ZNF629: variants seen among roughly 807,000 people sequenced by gnomAD.
ZNF629 encodes zinc finger protein 629, also known as DNA-binding protein.
ZNF629 carries 9 observed loss-of-function variants against 59.7 expected under a neutral mutation model. The observed-to-expected ratio is 0.15, with a 90% CI of 0.09 to 0.26. ZNF629 has a LOEUF of 0.26. Ranked by LOEUF, ZNF629 falls within the 10% of genes least tolerant of loss-of-function variation. The pLI, the probability that ZNF629 is intolerant of heterozygous loss-of-function variation, is 1.00. For synonymous variants in ZNF629, 509 were observed against 498.9 expected, an observed-to-expected ratio of 1.02 and a Z score of -0.27; for missense variants, 853 against 1,165.4, an observed-to-expected ratio of 0.73 and a Z score of 3.90.
In ZNF629 at chr16:30,782,393, C is replaced by T. The variant is rs2054290099; in HGVS notation, c.1935G>A (p.Glu645=). The stretch of plus-strand genomic sequence containing the variant: ...GCCTCTGGCTGAAGCCCTCCTGACC[C>T]TCCGGCGGCTTAAGGGGCTGTCCGG... ...EAPGQPLKPP[E]GQEGFSQRRG... Residue 645 remains glutamate, a synonymous_variant, in exon 3 of 3, where the codon GAG becomes GAA. Coordinates refer to ENST00000262525, the MANE Select transcript of ZNF629 (RefSeq NM_001080417.3). The T allele has an allele frequency of 1.3e-6, 2 of 1,573,590 alleles. No individual in the cohort carries two copies. Among genetic ancestry groups the T allele is most frequent in the South Asian group, 1.2e-5 (1 of 86,302 alleles).
In ZNF629 at chr16:30,786,836, C is replaced by T. The variant is rs926816883; in HGVS notation, c.-34+192G>A. On this transcript the variant is annotated intron_variant, in intron 1 of 2. Coordinates refer to ENST00000262525, the MANE Select transcript of ZNF629 (RefSeq NM_001080417.3). The surrounding 1 kb of genome is among the most constrained non-coding windows in gnomAD (Gnocchi z 4.8). ...TCCCCAGGCTCCCCTCCCCCGCCAC[C>T]GACCCCCGCGCTTCCCAGAATCCTC... is the stretch of plus-strand genomic sequence containing the variant. 3.6e-4 allele frequency among the ~76,000 whole-genome samples: 55 copies of T among 152,042 alleles called. No homozygotes were observed. The highest frequency in any genetic ancestry group is 1.3e-3 in the African/African-American group (53 of 41,510).
rs1023334897 is a variant in ZNF629, at chr16:30,784,125, T to C, written c.203A>G (p.Gln68Arg). The change falls in exon 3 of 3, where the codon CAG becomes CGG. Residue 68 changes from glutamine to arginine, a missense_variant. By Grantham distance (43) the Gln-to-Arg change is conservative (BLOSUM62 1). Coordinates refer to ENST00000262525, the MANE Select transcript of ZNF629 (RefSeq NM_001080417.3). ...GGGGTTCTGGGGGACAGAGGGGTCC[T>C]GGGAGGATCTCTCCAGGGACATCTC... ...STEMSLERSSQDPSVPQNPPT... is the reference protein window; with the variant it reads ...STEMSLERSSRDPSVPQNPPT... 7.5e-6 allele frequency: 12 copies of C among 1,609,084 alleles called. No individual in the cohort carries two copies. In the African/African-American group the frequency reaches 1.6e-4, roughly 21 times the overall value.
At position 30,782,329 on chromosome 16, in the gene ZNF629, A is replaced by C; in HGVS notation, c.1999T>G (p.Cys667Gly). Residue 667 changes from cysteine (C) to glycine (G), a missense_variant, in exon 3 of 3, where the codon TGC becomes GGC. By Grantham distance (159) the Cys-to-Gly change is radical (BLOSUM62 -3). This residue lies in a region of ZNF629 where 420 missense variants were observed against 435.6 expected (regional missense o/e 0.96). Transcript: ENST00000262525. ...LSSKTYICSHCGESFLDRSVL... is the reference protein window; with the variant it reads ...LSSKTYICSHGGESFLDRSVL... ...GAGCGATCCAGGAAGCTCTCTCCGCAGTGGGAGCAGATGTAGGTCTTGGAG... is the reference window on the plus strand; with the variant it reads ...GAGCGATCCAGGAAGCTCTCTCCGCCGTGGGAGCAGATGTAGGTCTTGGAG... 1 of 1,601,656 alleles carries C rather than the reference A, an allele frequency of 6.2e-7. No homozygotes were observed. The highest frequency in any genetic ancestry group is 8.5e-7 in the Non-Finnish European group (1 of 1,173,776).
rs1286255510 is a variant in ZNF629 at position 30,786,081 on chromosome 16, G to C, written c.-34+947C>G. 6.6e-6 allele frequency among the ~76,000 whole-genome samples: 1 copy of C among 152,108 alleles called. No homozygotes were observed. Among genetic ancestry groups the C allele is most frequent in the African/African-American group, 2.4e-5 (1 of 41,400 alleles). On this transcript the variant is annotated intron_variant, in intron 1 of 2. Transcript: ENST00000262525. This position sits in a 1 kb window ranked among gnomAD's most constrained non-coding sequence, Gnocchi z 4.8. ...TGTGCACAGGGGCAGTGGGGCAAGGGAGACATGGCAGGAGGCGCTGAGAGG... is the reference window on the plus strand; with the variant it reads ...TGTGCACAGGGGCAGTGGGGCAAGGCAGACATGGCAGGAGGCGCTGAGAGG...
At position 30,778,763 on chromosome 16, in the gene ZNF629, CT is replaced by C. The variant is rs1171234541; in HGVS notation, c.*2954del. ...TTCAAGTTTCACTCTAAGCTCTCCC[CT>C]CTGCTTTCCCCACTGACTCCCTGAC... On this transcript the variant is annotated 3_prime_UTR_variant, in exon 3 of 3. Coordinates refer to ENST00000262525, the MANE Select transcript of ZNF629 (RefSeq NM_001080417.3). 5 of 152,572 alleles carry C rather than the reference CT, an allele frequency of 3.3e-5. No individual in the cohort carries two copies. The highest frequency in any genetic ancestry group is 2.0e-4 in the Admixed American group (3 of 15,290). 9.5% of individuals were successfully genotyped at this position (152,572 alleles called of 1,614,324 possible). A position where few individuals can be genotyped will look rare whatever the true frequency, so the allele number is the denominator to read the frequency against.
chr16:30,785,859 AAAATAAAT>A (rs55733443), intron 1 of ZNF629, among the ~76,000 whole-genome samples: 315 of 140,164 alleles, frequency 2.2e-3, no homozygotes, highest in Middle Eastern at 3.5e-3. Context: ...GCCCCCTGGT[AAAATAAAT>A]AAATAAATAA....
rs569332998 is a variant in ZNF629, at chr16:30,783,062, G to A, written c.1266C>T (p.Arg422=). ...SVSSNLINHQ[R]IHRGERPYIC... ...TGTAGGGCCGCTCGCCGCGGTGGAT[G>A]CGCTGGTGGTTGATGAGGTTGGAGC... The change falls in exon 3 of 3, where the codon CGC becomes CGT. Residue 422 remains arginine, a synonymous_variant. Transcript: ENST00000262525. 8.1e-6 allele frequency: 13 copies of A among 1,614,046 alleles called. No individual in the cohort carries two copies. Among genetic ancestry groups the A allele is most frequent in the Non-Finnish European group, 1.0e-5 (12 of 1,179,998 alleles).
At position 30,781,538 on chromosome 16, in the gene ZNF629, A is replaced by C; in HGVS notation, c.*180T>G. 1 of 517,776 alleles carries C rather than the reference A, an allele frequency of 1.9e-6. No homozygotes were observed. The highest frequency in any genetic ancestry group is 3.1e-6 in the Non-Finnish European group (1 of 322,068). The allele number at this position is 517,776 out of a possible 1,614,324, so 32.1% of individuals were successfully genotyped here. ...TACTGCCTTATAAGTGCTTCCCACC[A>C]ACAATTTTATAGGGTTTCTCATCAC... On this transcript the variant is annotated 3_prime_UTR_variant, in exon 3 of 3. Coordinates refer to ENST00000262525, the MANE Select transcript of ZNF629 (RefSeq NM_001080417.3).
Position 30,783,553 on chromosome 16 carries a change from C to G in ZNF629, c.775G>C (p.Glu259Gln). The G allele has an allele frequency of 6.2e-7, 1 of 1,614,036 alleles. No homozygotes were observed. Among genetic ancestry groups the G allele is most frequent in the Non-Finnish European group, 8.5e-7 (1 of 1,179,954 alleles). The change falls in exon 3 of 3, where the codon GAG becomes CAG. Residue 259 changes from glutamate (E) to glutamine (Q), a missense_variant. Around this residue, in one of 3 missense-constraint regions of ZNF629, gnomAD observed 201 missense variants for 536.5 expected, o/e 0.37. Coordinates refer to ENST00000262525, the MANE Select transcript of ZNF629 (RefSeq NM_001080417.3). ...CACTCGCCGCACTTGTAGGGCTTCTCGCCGGTGTGGGATCGCTGGTGCTTG... is the reference window on the plus strand; with the variant it reads ...CACTCGCCGCACTTGTAGGGCTTCTGGCCGGTGTGGGATCGCTGGTGCTTG... ...LIKHQRSHTG[E>Q]KPYKCGECRR... is the part of the protein sequence containing the mutation.
Position 30,783,512 on chromosome 16 carries a change from G to A in ZNF629, c.816C>T (p.Tyr272=). 2 of 1,614,052 alleles carry A rather than the reference G, an allele frequency of 1.2e-6. No individual in the cohort carries two copies. The highest frequency in any genetic ancestry group is 1.7e-6 in the Non-Finnish European group (2 of 1,179,962). The change falls in exon 3 of 3, where the codon TAC becomes TAT. Residue 272 remains tyrosine (Y), a synonymous_variant. Coordinates refer to ENST00000262525, the MANE Select transcript of ZNF629 (RefSeq NM_001080417.3). ...GGTGCTGGATGAGGTCCGAGCTGCG[G>A]TAGAAAGCCCGGCGGCACTCGCCGC... The part of the protein sequence containing the change: ...YKCGECRRAF[Y]RSSDLIQHQA...
chr16:30,786,793 C>T lies in ZNF629; in HGVS notation c.-34+235G>A, dbSNP rs988407747. Among the ~76,000 whole-genome samples, 2 of 152,050 alleles carry T rather than the reference C, an allele frequency of 1.3e-5. No individual in the cohort carries two copies. Among genetic ancestry groups the T allele is most frequent in the African/African-American group, 4.8e-5 (2 of 41,424 alleles). ...GGCAGCGCTGGTCCCCGGCCCCGGC[C>T]GATCCCTCTTCCCAGAATCCCCAGG... On this transcript the variant is annotated intron_variant, in intron 1 of 2. Transcript: ENST00000262525. The surrounding 1 kb of genome is among the most constrained non-coding windows in gnomAD (Gnocchi z 4.8).
rs1375475758 is a variant in ZNF629 at position 30,784,109 on chromosome 16, G to T, written c.219C>A (p.Pro73=). ...GACCCAGTGGGGTTGGGGGGTTCTG[G>T]GGGACAGAGGGGTCCTGGGAGGATC... ...LERSSQDPSV[P]QNPPTPLGHS... Residue 73 remains proline (P), a synonymous_variant, in exon 3 of 3, where the codon CCC becomes CCA. Coordinates refer to ENST00000262525, the MANE Select transcript of ZNF629 (RefSeq NM_001080417.3). 1 of 1,607,328 alleles carries T rather than the reference G, an allele frequency of 6.2e-7. No individual in the cohort carries two copies. The highest frequency in any genetic ancestry group is 8.5e-7 in the Non-Finnish European group (1 of 1,178,658).
chr16:30,780,967 T>C lies in ZNF629; in HGVS notation c.*751A>G, dbSNP rs528616272. 1 of 152,320 alleles carries C rather than the reference T, an allele frequency of 6.6e-6. No homozygotes were observed. The highest frequency in any genetic ancestry group is 6.5e-5 in the Admixed American group (1 of 15,302). 9.4% of individuals were successfully genotyped at this position (152,320 alleles called of 1,614,324 possible). On this transcript the variant is annotated 3_prime_UTR_variant, in exon 3 of 3. Transcript: ENST00000262525. Reference sequence around the variant, plus strand: ...AAAAGGCTTGCCAATTTGTTTTTTCTTCCCCATTTTGGGGTTTTGATAAGG... The same window carrying C: ...AAAAGGCTTGCCAATTTGTTTTTTCCTCCCCATTTTGGGGTTTTGATAAGG...
In ZNF629 at chr16:30,781,616, CATCTG is replaced by C. The variant is rs1385542880; in HGVS notation, c.*97_*101del. 2 of 1,200,374 alleles carry C rather than the reference CATCTG, an allele frequency of 1.7e-6. No individual in the cohort carries two copies. The highest frequency in any genetic ancestry group is 2.2e-6 in the Non-Finnish European group (2 of 900,164). The allele number at this position is 1,200,374 out of a possible 1,614,324, so 74.4% of individuals were successfully genotyped here. On this transcript the variant is annotated 3_prime_UTR_variant, in exon 3 of 3. Coordinates refer to ENST00000262525, the MANE Select transcript of ZNF629 (RefSeq NM_001080417.3). ...GGTTCTTTCTCCTCCACTCCACTAC[CATCTG>C]ATAGGGTTATCCTCCCTTCCCCATG...
intron 1 of ZNF629, among the ~76,000 whole-genome samples, chr16:30,784,803 C>T (rs898904213): frequency 6.6e-6 from 1 of 152,188 alleles, no homozygotes; most frequent in African/African-American, 2.4e-5. Flanking sequence ...GGGGCTGGAG[C>T]GGTCTCTGAC....
chr16:30,782,450 G>T lies in ZNF629; in HGVS notation c.1878C>A (p.Tyr626Ter). ...SPRLPFRGNS[Y>*]PGAAEGRAEA... ...CCGCTCTGCCCTCCGCAGCCCCGGG[G>T]TAGGAATTCCCTCTGAAAGGGAGCC... The change falls in exon 3 of 3, where the codon TAC (tyrosine) becomes TAA (stop). Residue 626 changes from tyrosine (Y) to a stop codon, truncating the protein, a stop_gained. Transcript: ENST00000262525. LOFTEE classifies it high-confidence loss of function. 1 of 1,567,358 alleles carries T rather than the reference G, an allele frequency of 6.4e-7. No individual in the cohort carries two copies. The highest frequency in any genetic ancestry group is 8.7e-7 in the Non-Finnish European group (1 of 1,155,598).
At position 30,781,801 on chromosome 16, in the gene ZNF629, G is replaced by A; in HGVS notation, c.2527C>T (p.Leu843=). The change falls in exon 3 of 3, where the codon CTG becomes TTG. Residue 843 remains leucine, a synonymous_variant. Transcript: ENST00000262525. ...PKTLVEEKPY[L]CPECGAGFTE... is the part of the protein sequence containing the mutation. The stretch of plus-strand genomic sequence containing the variant: ...AAGCCGGCTCCACACTCGGGGCACA[G>A]ATAGGGCTTTTCTTCCACTAGGGTT... 6.2e-7 allele frequency: 1 copy of A among 1,610,908 alleles called. No homozygotes were observed. Among genetic ancestry groups the A allele is most frequent in the Non-Finnish European group, 8.5e-7 (1 of 1,178,206 alleles).
Position 30,781,219 on chromosome 16 carries a change from G to A in ZNF629, c.*499C>T, listed in dbSNP as rs1253096391. The stretch of plus-strand genomic sequence containing the variant: ...CTGAGCATCTTCCTCCATGAGAACT[G>A]TCCAGGGCTGCTGGGAGAGAACATT... On this transcript the variant is annotated 3_prime_UTR_variant, in exon 3 of 3. Coordinates refer to ENST00000262525, the MANE Select transcript of ZNF629 (RefSeq NM_001080417.3). 2.6e-5 allele frequency: 4 copies of A among 152,744 alleles called. No homozygotes were observed. The East Asian group carries it at 7.7e-4, about 29-fold the overall frequency. The allele number at this position is 152,744 out of a possible 1,614,324, so 9.5% of individuals were successfully genotyped here. A position where few individuals can be genotyped will look rare whatever the true frequency, so the allele number is the denominator to read the frequency against.
chr16:30,782,023 G>A lies in ZNF629; in HGVS notation c.2305C>T (p.Arg769Cys), dbSNP rs1226677234. The A allele has an allele frequency of 1.0e-5, 16 of 1,575,796 alleles. No homozygotes were observed. The highest frequency in any genetic ancestry group is 1.3e-5 in the Non-Finnish European group (15 of 1,161,054). Residue 769 changes from arginine to cysteine, a missense_variant, in exon 3 of 3, where the codon CGC becomes TGC. By Grantham distance (180) the Arg-to-Cys change is radical. Around this residue, in one of 3 missense-constraint regions of ZNF629, gnomAD observed 420 missense variants for 435.6 expected, o/e 0.96. Coordinates refer to ENST00000262525, the MANE Select transcript of ZNF629 (RefSeq NM_001080417.3). ...AAGGAGGCCCTGCAATCTGAGCAGCGGTAGGGTCTGGCCCCCAGGGGGCTC... is the reference window on the plus strand; with the variant it reads ...AAGGAGGCCCTGCAATCTGAGCAGCAGTAGGGTCTGGCCCCCAGGGGGCTC... ...LRSPLGARPYRCSDCRASFLD... is the reference protein window; with the variant it reads ...LRSPLGARPYCCSDCRASFLD...
Sources: allele counts gnomAD v4.1 joint callset (sites outside exome capture counted in the v4.1 genomes callset), GRCh38; gene constraint gnomAD v4.1.1; regional missense constraint gnomAD v4.1.1; non-coding constraint Gnocchi (gnomAD v3.1); transcripts MANE v1.5; gene names NCBI Gene and HGNC (gene_info 2026-07-23, HGNC 2026-07-21).